NCOR2: variants seen among roughly 807,000 people sequenced by gnomAD.
NCOR2 encodes nuclear receptor corepressor 2.
A neutral mutation model predicts 262.9 loss-of-function variants in NCOR2; 81 were observed. The observed-to-expected ratio is 0.31, with a 90% CI of 0.26 to 0.37. The LOEUF (loss-of-function observed/expected upper bound fraction) is 0.37, where lower values mean the gene tolerates loss of function less well. Ranked by LOEUF, NCOR2 falls within the 10% of genes least tolerant of loss-of-function variation. NCOR2 has a pLI of 1.00. For missense variants in NCOR2, 3,385 were observed against 3,621.4 expected (o/e 0.93, Z 1.68); for synonymous variants, 1,659 against 1,559.3 (o/e 1.06, Z -1.51).
intron 1 of NCOR2, among the ~76,000 whole-genome samples, chr12:124,519,871 CCA>C (rs10581876): frequency 0.072 from 10,978 of 152,216 alleles, 1,137 homozygotes; most frequent in African/African-American, 0.23. Context: ...GGAGGCTGGC[CCA>C]GAGAGGGTAG....
chr12:124,438,053 C>A (rs933582030), intron 7 of NCOR2, 57 bp from the exon 10 acceptor site: 1 of 1,523,046 alleles, frequency 6.6e-7, no homozygotes, highest in East Asian at 2.4e-5. Context: ...GCGCTGCACC[C>A]CGTGCCATCC....
chr12:124,433,942 G>A (rs899856565), intron 8 of NCOR2, among the ~76,000 whole-genome samples: 7 of 105,424 alleles, frequency 6.6e-5, no homozygotes, highest in Non-Finnish European at 1.2e-4. Context: ...TCCCCCTCCC[G>A]CCCCCCACCC....
rs1027870506 is a variant in NCOR2 at position 124,454,861 on chromosome 12, A to G, written c.762+2245T>C. ...ATGGAAACGGCACACTAATGTTCAC[A>G]GCAACTTTATTCACAATACCCCAAA... On this transcript the variant is annotated intron_variant, in intron 6 of 46. Coordinates refer to ENST00000405201, the Ensembl canonical transcript of NCOR2. The surrounding 1 kb of genome is among the most constrained non-coding windows in gnomAD (Gnocchi z 5.6). 1.3e-5 allele frequency among the ~76,000 whole-genome samples: 2 copies of G among 152,244 alleles called. No homozygotes were observed. Among genetic ancestry groups the G allele is most frequent in the Admixed American group, 6.5e-5 (1 of 15,286 alleles).
In NCOR2 at chr12:124,424,640, G is replaced by A. The variant is rs971341614; in HGVS notation, c.1328+1982C>T. On this transcript the variant is annotated intron_variant, in intron 11 of 46. Coordinates refer to ENST00000405201, the Ensembl canonical transcript of NCOR2. ...TTCTGAGTTCGGTATCTGCACTTGCGGGTCCACTCACCCCTGCCGGGGACC... is the reference window on the plus strand; with the variant it reads ...TTCTGAGTTCGGTATCTGCACTTGCAGGTCCACTCACCCCTGCCGGGGACC... Among the ~76,000 whole-genome samples the A allele has an allele frequency of 2.0e-5, 3 of 152,138 alleles. No individual in the cohort carries two copies. In the East Asian group the frequency reaches 5.8e-4, roughly 29 times the overall value.
intron 1 of NCOR2, among the ~76,000 whole-genome samples, chr12:124,528,333 C>T (rs2137133811): frequency 6.6e-6 from 1 of 152,324 alleles, no homozygotes; most frequent in African/African-American, 2.4e-5. Flanking sequence ...GACTTCATTA[C>T]TTATTTATTT....
chr12:124,433,489 G>C (rs1025617437), intron 8 of NCOR2, among the ~76,000 whole-genome samples: 1 of 152,224 alleles, frequency 6.6e-6, no homozygotes, highest in African/African-American at 2.4e-5. Flanking sequence ...TGGCAAGACG[G>C]CCCGGCTCTA....
At chr12:124,332,224 C>T (rs1244856247) in intron 43 of NCOR2, 95 bp downstream of exon 45, 12 of 1,491,294 alleles carry the variant, frequency 8.0e-6, no homozygotes, top group Admixed American at 1.7e-5. Context: ...GAAGGTGCAC[C>T]GTGGGTTTCT....
chr12:124,431,271 GCAGACACA>G lies in NCOR2; in HGVS notation c.883-492_883-485del, dbSNP rs964297454. 1.4e-4 allele frequency among the ~76,000 whole-genome samples: 20 copies of G among 142,580 alleles called. No homozygotes were observed. In the East Asian group the frequency reaches 3.1e-3, roughly 22 times the overall value. The allele number at this position is 142,580 out of a possible 152,430, so 93.5% of individuals were successfully genotyped here. Reference sequence around the variant, plus strand: ...ATACAGGCACACACAAGTCACACAGGCAGACACACAGACACACACATACAGTCACAGAC... The same window carrying G: ...ATACAGGCACACACAAGTCACACAGGCAGACACACACATACAGTCACAGAC... On this transcript the variant is annotated intron_variant, in intron 8 of 46. Transcript: ENST00000405201.
intron 18 of NCOR2, among the ~76,000 whole-genome samples, chr12:124,377,983 G>A (rs1378637966): frequency 6.6e-6 from 1 of 152,138 alleles, no homozygotes; most frequent in African/African-American, 2.4e-5. Flanking sequence ...ATGGGCATCA[G>A]AAGAGCTGAG....
Position 124,338,807 on chromosome 12 carries a change from G to T in NCOR2, c.5687+1199C>A, listed in dbSNP as rs1027727263. ...AACCTCCCCATCTACTCATCCCACCGCCCAACTCATCGTCCATCCACTGGG... is the reference window on the plus strand; with the variant it reads ...AACCTCCCCATCTACTCATCCCACCTCCCAACTCATCGTCCATCCACTGGG... On this transcript the variant is annotated intron_variant, in intron 37 of 46. Transcript: ENST00000405201. Among the ~76,000 whole-genome samples the T allele has an allele frequency of 2.6e-5, 4 of 151,822 alleles. No homozygotes were observed. In the South Asian group the frequency reaches 8.3e-4, roughly 32 times the overall value.
chr12:124,463,730 G>A (rs936731829), intron 5 of NCOR2, among the ~76,000 whole-genome samples: 9 of 152,258 alleles, frequency 5.9e-5, no homozygotes, highest in African/African-American at 1.9e-4. Flanking sequence ...GGGGCGGTAA[G>A]TCCTGGCTGC....
intron 1 of NCOR2, among the ~76,000 whole-genome samples, chr12:124,522,767 C>T (rs943016384): frequency 5.3e-5 from 8 of 152,252 alleles, no homozygotes; most frequent in African/African-American, 1.9e-4. Flanking sequence ...AGAAAACTGG[C>T]TGGAAGCTGC....
At chr12:124,380,604 C>T (rs1310047527) in intron 17 of NCOR2, among the ~76,000 whole-genome samples, 1 of 152,196 alleles carries the variant, frequency 6.6e-6, no homozygotes, top group Non-Finnish European at 1.5e-5. Context: ...CGAGGGCTCC[C>T]CCTGCTTCCC....
Position 124,457,993 on chromosome 12 carries a change from ATTTGCGTGGG to A in NCOR2, c.706-841_706-832del, listed in dbSNP as rs1344675400. On this transcript the variant is annotated intron_variant, in intron 5 of 46. Transcript: ENST00000405201. The surrounding 1 kb of genome is among the most constrained non-coding windows in gnomAD (Gnocchi z 4.0). ...GGCTGTGGCGGAGGGCAGGGGCAGA[ATTTGCGTGGG>A]TTTGGGTGCCCCCTGCACCAGGCTA... is the stretch of plus-strand genomic sequence containing the variant. Among the ~76,000 whole-genome samples, 1 of 152,070 alleles carries A rather than the reference ATTTGCGTGGG, an allele frequency of 6.6e-6. No individual in the cohort carries two copies. Among genetic ancestry groups the A allele is most frequent in the African/African-American group, 2.4e-5 (1 of 41,424 alleles).
In NCOR2 at chr12:124,326,174, CCCCACCTGGTG is replaced by C. The variant is rs2034626488; in HGVS notation, c.7363+6_7363+16del. On this transcript the variant is annotated splice_donor_region_variant and intron_variant, in intron 46 of 46. Coordinates refer to ENST00000405201, the Ensembl canonical transcript of NCOR2. Reference sequence around the variant, plus strand: ...GGGGGCTCAGCGAGCCCAGCCCTGTCCCCACCTGGTGCCCACCTGCGGACGAGGGCCTGTCC... The same window carrying C: ...GGGGGCTCAGCGAGCCCAGCCCTGTCCCCACCTGCGGACGAGGGCCTGTCC... 6.6e-7 allele frequency: 1 copy of C among 1,505,970 alleles called. No individual in the cohort carries two copies. Among genetic ancestry groups the C allele is most frequent in the Non-Finnish European group, 8.8e-7 (1 of 1,131,536 alleles). 93.3% of individuals were successfully genotyped at this position (1,505,970 alleles called of 1,614,324 possible). A position where few individuals can be genotyped will look rare whatever the true frequency, so the allele number is the denominator to read the frequency against.
At chr12:124,488,416 A>G (rs1317689471) in intron 1 of NCOR2, among the ~76,000 whole-genome samples, 1 of 152,208 alleles carries the variant, frequency 6.6e-6, no homozygotes, top group African/African-American at 2.4e-5. Flanking sequence ...TCTGAGCCTC[A>G]GTTTCTCCTC....
intron 1 of NCOR2, among the ~76,000 whole-genome samples, chr12:124,512,963 C>A (rs1319071693): frequency 6.6e-6 from 1 of 152,192 alleles, no homozygotes; most frequent in East Asian, 1.9e-4. Context: ...GGAGGGCTTC[C>A]TGGAGGCTCA....
intron 44 of NCOR2, among the ~76,000 whole-genome samples, chr12:124,328,221 C>G (rs2034861173): frequency 6.6e-6 from 1 of 152,104 alleles, no homozygotes; most frequent in Non-Finnish European, 1.5e-5. Context: ...ACGTGCAGCC[C>G]CGTACCTCCC....
exon 36 of NCOR2, chr12:124,340,295 A>G (rs1376570453): frequency 6.2e-7 from 1 of 1,610,666 alleles, no homozygotes; most frequent in Non-Finnish European, 8.5e-7. Flanking sequence ...ATGCCCTACC[A>G]GGTCTCCAGA....
Sources: allele counts gnomAD v4.1 joint callset (sites outside exome capture counted in the v4.1 genomes callset), GRCh38; gene constraint gnomAD v4.1.1; non-coding constraint Gnocchi (gnomAD v3.1); transcripts MANE v1.5; gene names NCBI Gene and HGNC (gene_info 2026-07-23, HGNC 2026-07-21).